The following CDH23 variants were observed in gnomAD, a reference collection of about 807,000 sequenced individuals.
CDH23 encodes the protein cadherin-23.
In CDH23, 189 loss-of-function variants were observed where a neutral mutation model predicts 317.1. The observed-to-expected ratio is 0.60, with a 90% CI of 0.53 to 0.67. The LOEUF (loss-of-function observed/expected upper bound fraction) is 0.67, where lower values mean the gene tolerates loss of function less well. Ranked by LOEUF, CDH23 falls within the 30% of genes least tolerant of loss-of-function variation. The pLI is 0.00. For synonymous variants in CDH23, 1,839 were observed against 1,876.8 expected (o/e 0.98, Z 0.52); for missense variants, 4,401 against 4,592.4 (o/e 0.96, Z 1.20).
chr10:71,786,685 A>G (rs1400006847), intron 44 of CDH23, among the ~76,000 whole-genome samples: 1 of 151,874 alleles, frequency 6.6e-6, no homozygotes, highest in Non-Finnish European at 1.5e-5. Context: ...TTTAGCAGAG[A>G]TGGGATTTCA....
chr10:71,581,405 TG>T (rs1292317797), intron 9 of CDH23, among the ~76,000 whole-genome samples: 1 of 152,192 alleles, frequency 6.6e-6, no homozygotes, highest in Non-Finnish European at 1.5e-5. Context: ...GAGGTCTGTC[TG>T]CCCCACGTGG....
At chr10:71,729,941 TCTC>T (rs1167102894) in intron 30 of CDH23, among the ~76,000 whole-genome samples, 1 of 151,894 alleles carries the variant, frequency 6.6e-6, no homozygotes, top group Non-Finnish European at 1.5e-5. Context: ...TTCACACCAT[TCTC>T]CTCCCTCAGC....
intron 9 of CDH23, among the ~76,000 whole-genome samples, chr10:71,601,134 A>T (rs1042865640): frequency 6.6e-6 from 1 of 152,220 alleles, no homozygotes; most frequent in Admixed American, 6.5e-5. Flanking sequence ...CAACATTAGG[A>T]AACTGGGCCT....
At chr10:71,667,804 A>G (rs1227003430) in intron 14 of CDH23, among the ~76,000 whole-genome samples, 1 of 152,158 alleles carries the variant, frequency 6.6e-6, no homozygotes, top group African/African-American at 2.4e-5. Flanking sequence ...GCGGGTCCCC[A>G]GAGAGTGGGC....
chr10:71,446,323 G>T lies in CDH23; in HGVS notation c.73G>T (p.Val25Leu). The T allele has an allele frequency of 6.2e-7, 1 of 1,614,066 alleles. No homozygotes were observed. ...TCTTGTCCTCTGACTTCCAGGCCAG[G>T]TGAACCGGCTGCCCTTCTTCACCAA... ...LVLISGCWGQ[V>L]NRLPFFTNHF... Residue 25 changes from valine to leucine, a missense_variant, in exon 3 of 70, where the codon GTG becomes TTG. This residue lies in a region of CDH23 where 3,068 missense variants were observed against 3,203.3 expected (regional missense o/e 0.96). Transcript: ENST00000224721.
chr10:71,434,857 T>C (rs1849549294), intron 1 of CDH23, among the ~76,000 whole-genome samples: 4 of 152,150 alleles, frequency 2.6e-5, no homozygotes, highest in Admixed American at 1.3e-4. Context: ...GCGTGTGAGA[T>C]GCCAACAGCC....
chr10:71,799,452 G>A (rs1841495817), intron 51 of CDH23, 40 bp from the exon 52 acceptor site: 3 of 1,613,436 alleles, frequency 1.9e-6, no homozygotes, highest in South Asian at 2.2e-5. Context: ...CTCTGGGACT[G>A]ACCTTGGCCT....
At chr10:71,565,437 G>A (rs191812725) in intron 6 of CDH23, among the ~76,000 whole-genome samples, 131 of 152,218 alleles carry the variant, frequency 8.6e-4, no homozygotes, top group African/African-American at 3.0e-3. Context: ...CTTCCCATTG[G>A]CAGAATCCAG....
At chr10:71,813,679 GGAGGATCAATTGAGGCCAGGAGTT>G (rs2133011174) in intron 69 of CDH23, among the ~76,000 whole-genome samples, 2 of 152,290 alleles carry the variant, frequency 1.3e-5, no homozygotes, top group Admixed American at 1.3e-4. Context: ...GGCTGAGGTG[GGAGGATCAATTGAGGCCAGGAGTT>G]CGAGACCAGT....
At position 71,397,892 on chromosome 10, in the gene CDH23, G is replaced by C. The variant is rs1847597248; in HGVS notation, c.-6+574G>C. On this transcript the variant is annotated intron_variant, in intron 1 of 69. Coordinates refer to ENST00000224721, the MANE Select transcript of CDH23 (RefSeq NM_022124.6). The surrounding 1 kb of genome is among the most constrained non-coding windows in gnomAD (Gnocchi z 4.8). ...GGGACTTACACATCCTCCCAAATTC[G>C]GTCCAGCTATGGGAAGACGCGCCCC... Among the ~76,000 whole-genome samples, 1 of 152,180 alleles carries C rather than the reference G, an allele frequency of 6.6e-6. No individual in the cohort carries two copies. The highest frequency in any genetic ancestry group is 1.5e-5 in the Non-Finnish European group (1 of 68,034).
chr10:71,700,899 G>A lies in CDH23; in HGVS notation c.2398-1123G>A, dbSNP rs74614602. ...ACCTCTGGCTGGGGATTAAGCAGAGGAGGGACAGATTCTGCTGCCAAAGCA... is the reference window on the plus strand; with the variant it reads ...ACCTCTGGCTGGGGATTAAGCAGAGAAGGGACAGATTCTGCTGCCAAAGCA... On this transcript the variant is annotated intron_variant, in intron 22 of 69. Coordinates refer to ENST00000224721, the MANE Select transcript of CDH23 (RefSeq NM_022124.6). Among the ~76,000 whole-genome samples, 767 of 152,324 alleles carry A rather than the reference G, an allele frequency of 5.0e-3. 20 individuals carry two copies. Among genetic ancestry groups the A allele is most frequent in the Middle Eastern group, 0.014 (4 of 294 alleles).
In CDH23 at chr10:71,694,262, G is replaced by A. The variant is rs1589342313; in HGVS notation, c.2289+3G>A. On this transcript the variant is annotated splice_donor_region_variant and intron_variant, in intron 21 of 69. Transcript: ENST00000224721. Reference sequence around the variant, plus strand: ...ACCAGAAAACTGGCATCGCCACCGTGAGTGCGCTCCCCTCCCGTGCCCCAG... The same window carrying A: ...ACCAGAAAACTGGCATCGCCACCGTAAGTGCGCTCCCCTCCCGTGCCCCAG... 1 of 1,608,822 alleles carries A rather than the reference G, an allele frequency of 6.2e-7. No homozygotes were observed. The highest frequency in any genetic ancestry group is 1.3e-5 in the African/African-American group (1 of 74,924).
At chr10:71,774,900 A>C (rs1228836700) in intron 38 of CDH23, among the ~76,000 whole-genome samples, 1 of 152,182 alleles carries the variant, frequency 6.6e-6, no homozygotes, top group Non-Finnish European at 1.5e-5. Context: ...GCCTGATCCA[A>C]GTCACGGGCT....
intron 11 of CDH23, among the ~76,000 whole-genome samples, chr10:71,636,060 G>A (rs1262714616): frequency 1.3e-5 from 2 of 152,052 alleles, no homozygotes; most frequent in Non-Finnish European, 2.9e-5. Flanking sequence ...TGAATTTTGG[G>A]GAAGGGGACA....
chr10:71,518,646 G>A (rs1394782386), intron 6 of CDH23, among the ~76,000 whole-genome samples: 1 of 152,218 alleles, frequency 6.6e-6, no homozygotes, highest in Admixed American at 6.5e-5. Flanking sequence ...TGTGCACACA[G>A]CATTGTTTGT....
chr10:71,798,387 A>T lies in CDH23; in HGVS notation c.6863A>T (p.Asp2288Val). The change falls in exon 50 of 70, where the codon GAC (aspartate) becomes GTC (valine). Residue 2288 changes from aspartate to valine, a missense_variant. By Grantham distance (152) the Asp-to-Val change is radical. Around this residue, in one of 3 missense-constraint regions of CDH23, gnomAD observed 3,068 missense variants for 3,203.3 expected, o/e 0.96. Coordinates refer to ENST00000224721, the MANE Select transcript of CDH23 (RefSeq NM_022124.6). The stretch of plus-strand genomic sequence containing the variant: ...ACTGTCAACGTCCTGGACGTCAATG[A>T]CAATACGCCCCAGTTCAAGCCCTTT... ...KLTVNVLDVN[D>V]NTPQFKPFGI... 1 of 1,613,914 alleles carries T rather than the reference A, an allele frequency of 6.2e-7. No individual in the cohort carries two copies. Among genetic ancestry groups the T allele is most frequent in the Non-Finnish European group, 8.5e-7 (1 of 1,179,836 alleles).
At chr10:71,506,493 A>G (rs116132760) in intron 3 of CDH23, among the ~76,000 whole-genome samples, 2,508 of 152,304 alleles carry the variant, frequency 0.016, 58 homozygotes, top group African/African-American at 0.053. Flanking sequence ...CCTGTGTGGC[A>G]TGTGTACCCC....
At chr10:71,404,450 C>T (rs1403721426) in intron 1 of CDH23, among the ~76,000 whole-genome samples, 1 of 152,228 alleles carries the variant, frequency 6.6e-6, no homozygotes, top group Non-Finnish European at 1.5e-5. Flanking sequence ...TTTCCGATAC[C>T]CCCTTGCTCC....
intron 4 of CDH23, 126 bp from the exon 5 acceptor site, chr10:71,510,828 T>A (rs909090826): frequency 4.7e-6 from 4 of 848,850 alleles, no homozygotes; most frequent in Non-Finnish European, 8.0e-6. Flanking sequence ...AGGGAAGCCT[T>A]TGGGTGCCTG....
Sources: gnomAD v4.1 joint callset for allele counts (sites outside exome capture counted in the v4.1 genomes callset) on GRCh38, gnomAD v4.1.1 for gene constraint, gnomAD v4.1.1 regional missense constraint, Gnocchi (gnomAD v3.1) non-coding constraint, MANE v1.5 for transcripts, NCBI Gene and HGNC (gene_info 2026-07-23, HGNC 2026-07-21) for gene names.